CENPW: variants seen among roughly 807,000 people sequenced by gnomAD.
CENPW encodes cancer-up-regulated gene 2 protein.
CENPW carries 3 observed loss-of-function variants against 11.1 expected under a neutral mutation model. The ratio of observed to expected loss-of-function variants is 0.27; its 90% CI spans 0.12 to 0.70. CENPW has a LOEUF of 0.70. CENPW is among the 30% of genes least tolerant of loss of function. CENPW has a pLI of 0.77. For missense variants in CENPW, 100 were observed against 105.6 expected (o/e 0.95, Z 0.23); for synonymous variants, 38 against 42.0 (o/e 0.91, Z 0.37).
the CENPW span, among the ~76,000 whole-genome samples, chr6:126,412,487 T>A: frequency 5.7e-3 from 862 of 152,292 alleles, 12 homozygotes; most frequent in African/African-American, 0.02. Flanking sequence ...AGATTTTCTA[T>A]TTATTTTTCC....
At chr6:126,396,379 C>T in the CENPW span, among the ~76,000 whole-genome samples, 4 of 152,128 alleles carry the variant, frequency 2.6e-5, no homozygotes, top group African/African-American at 9.7e-5. Context: ...AATGTTTACT[C>T]GAGGCTTAAG....
chr6:126,375,224 A>G, the CENPW span, among the ~76,000 whole-genome samples: 1 of 152,210 alleles, frequency 6.6e-6, no homozygotes. Context: ...TTCAAGAAAC[A>G]GAAAGTAAGT....
chr6:126,473,011 C>T, the CENPW span, among the ~76,000 whole-genome samples: 1 of 152,116 alleles, frequency 6.6e-6, no homozygotes, highest in East Asian at 1.9e-4. Flanking sequence ...TGTAATATGC[C>T]TCCTTTTCAG....
the CENPW span, among the ~76,000 whole-genome samples, chr6:126,366,264 C>A: frequency 2.6e-5 from 4 of 151,850 alleles, no homozygotes; most frequent in Non-Finnish European, 5.9e-5. Flanking sequence ...AAAAAAATTA[C>A]CTTACTCATA....
At chr6:126,359,757 CTTTT>C in the CENPW span, among the ~76,000 whole-genome samples, 1 of 137,932 alleles carries the variant, frequency 7.2e-6, no homozygotes. Context: ...TTTTTCTTTT[CTTTT>C]TTTTTTTTTT....
chr6:126,424,884 C>G, the CENPW span, among the ~76,000 whole-genome samples: 2 of 152,072 alleles, frequency 1.3e-5, no homozygotes, highest in South Asian at 2.1e-4. Flanking sequence ...ATCCCATTCC[C>G]AATCCCTAAG....
the CENPW span, among the ~76,000 whole-genome samples, chr6:126,410,898 T>G: frequency 6.6e-6 from 1 of 152,118 alleles, no homozygotes; most frequent in East Asian, 1.9e-4. Context: ...TTCCTGATTT[T>G]GTTGAGTTGT....
At chr6:126,408,163 G>A in the CENPW span, among the ~76,000 whole-genome samples, 2 of 152,072 alleles carry the variant, frequency 1.3e-5, no homozygotes, top group Admixed American at 1.3e-4. Context: ...AATGGTGCTG[G>A]GAAAACTGGC....
the CENPW span, among the ~76,000 whole-genome samples, chr6:126,359,554 C>T: frequency 5.3e-5 from 8 of 151,996 alleles, no homozygotes; most frequent in South Asian, 2.1e-4. Flanking sequence ...ATGTGTCTGT[C>T]TAAGTTTTTT....
chr6:126,460,754 C>T, the CENPW span, among the ~76,000 whole-genome samples: 1 of 151,710 alleles, frequency 6.6e-6, no homozygotes, highest in Non-Finnish European at 1.5e-5. Flanking sequence ...GGATTTGTCA[C>T]CAAGACAGTG....
chr6:126,358,678 T>C, the CENPW span, among the ~76,000 whole-genome samples: 1 of 152,186 alleles, frequency 6.6e-6, no homozygotes. Flanking sequence ...CTTTTTTCAT[T>C]GTGTCTCTGC....
the CENPW span, among the ~76,000 whole-genome samples, chr6:126,455,672 C>T: frequency 2.0e-5 from 3 of 151,368 alleles, no homozygotes; most frequent in Admixed American, 2.0e-4. Flanking sequence ...GATAAGGATG[C>T]CCACTTTCAC....
chr6:126,451,648 C>G, the CENPW span, among the ~76,000 whole-genome samples: 2 of 151,012 alleles, frequency 1.3e-5, no homozygotes, highest in East Asian at 2.0e-4. Flanking sequence ...ACCTTCTGAT[C>G]AGTGGAGGCA....
chr6:126,481,919 TA>T, the CENPW span, among the ~76,000 whole-genome samples: 30 of 152,124 alleles, frequency 2.0e-4, no homozygotes, highest in African/African-American at 6.8e-4. Context: ...GACTAAAAAT[TA>T]GATAACAAAT....
chr6:126,387,046 GTT>G, the CENPW span, among the ~76,000 whole-genome samples: 1 of 151,874 alleles, frequency 6.6e-6, no homozygotes, highest in Non-Finnish European at 1.5e-5. Context: ...AAGTTAGAGA[GTT>G]AACTGACTAG....
the CENPW span, among the ~76,000 whole-genome samples, chr6:126,357,279 T>C: frequency 1.3e-5 from 2 of 152,212 alleles, no homozygotes; most frequent in South Asian, 2.1e-4. Flanking sequence ...TTCTGTTCCA[T>C]TGGTCTATGT....
the CENPW span, among the ~76,000 whole-genome samples, chr6:126,398,503 T>G: frequency 6.6e-6 from 1 of 152,184 alleles, no homozygotes; most frequent in Admixed American, 6.6e-5. Flanking sequence ...AGTATTTGCA[T>G]GTAACCTATA....
chr6:126,407,092 C>T, the CENPW span, among the ~76,000 whole-genome samples: 1 of 152,132 alleles, frequency 6.6e-6, no homozygotes, highest in African/African-American at 2.4e-5. Context: ...TACCCATCAC[C>T]TCCCCAACAG....
At chr6:126,347,633 G>T (rs1469846971) in intron 2 of CENPW, among the ~76,000 whole-genome samples, 1 of 151,876 alleles carries the variant, frequency 6.6e-6, no homozygotes, top group Non-Finnish European at 1.5e-5. Context: ...ATTTTCTAGG[G>T]CCTTTAAATT....
Sources: allele counts gnomAD v4.1 joint callset (sites outside exome capture counted in the v4.1 genomes callset), GRCh38; gene constraint gnomAD v4.1.1; transcripts MANE v1.5; gene names NCBI Gene and HGNC (gene_info 2026-07-23, HGNC 2026-07-21).